The following NDFIP1 variants were observed in gnomAD, a reference collection of about 807,000 sequenced individuals.
NDFIP1 encodes the protein Nedd4 family interacting protein 1.
In NDFIP1, 7 loss-of-function variants were observed where a neutral mutation model predicts 28.8. The ratio of observed to expected loss-of-function variants is 0.24; its 90% CI spans 0.14 to 0.46. NDFIP1 has a LOEUF of 0.46. Ranked by LOEUF, NDFIP1 falls within the 20% of genes least tolerant of loss-of-function variation. The pLI is 0.99. For missense variants in NDFIP1, 194 were observed against 269.1 expected, an observed-to-expected ratio of 0.72 and a Z score of 1.95; for synonymous variants, 92 against 101.0, an observed-to-expected ratio of 0.91 and a Z score of 0.53.
At chr5:142,109,161 G>A in intron 1 of NDFIP1, 124 bp downstream of exon 1, 1 of 867,278 alleles carries the variant, frequency 1.2e-6, no homozygotes. Context: ...GGCCGCGCTG[G>A]GCCTGGAGGG....
At chr5:142,142,670 G>A (rs1392390466) in intron 6 of NDFIP1, among the ~76,000 whole-genome samples, 1 of 151,992 alleles carries the variant, frequency 6.6e-6, no homozygotes, top group Non-Finnish European at 1.5e-5. Context: ...GCTCATGCCT[G>A]TAATCCCAGC....
intron 5 of NDFIP1, among the ~76,000 whole-genome samples, chr5:142,140,121 A>T (rs1407217200): frequency 6.6e-6 from 1 of 152,170 alleles, no homozygotes; most frequent in Non-Finnish European, 1.5e-5. Flanking sequence ...ATATTTTAAA[A>T]TTATTCTAAA....
At chr5:142,116,660 C>T (rs1757072185) in intron 1 of NDFIP1, among the ~76,000 whole-genome samples, 1 of 151,926 alleles carries the variant, frequency 6.6e-6, no homozygotes, top group African/African-American at 2.4e-5. Context: ...CATGCCCAGG[C>T]TACCTTCATA....
chr5:142,147,336 CCCTT>C (rs1757399121), intron 7 of NDFIP1, among the ~76,000 whole-genome samples: 1 of 152,122 alleles, frequency 6.6e-6, no homozygotes, highest in Admixed American at 6.6e-5. Flanking sequence ...GATGTAGAAT[CCCTT>C]CTTTCTCTAG....
chr5:142,140,146 A>C (rs1757312986), intron 5 of NDFIP1, among the ~76,000 whole-genome samples: 1 of 152,166 alleles, frequency 6.6e-6, no homozygotes, highest in African/African-American at 2.4e-5. Flanking sequence ...AAGTGATGGC[A>C]TTGGTAGAAC....
At chr5:142,140,354 A>G (rs988534821) in intron 5 of NDFIP1, among the ~76,000 whole-genome samples, 3 of 151,826 alleles carry the variant, frequency 2.0e-5, no homozygotes, top group African/African-American at 4.8e-5. Context: ...AGGCTGAGGC[A>G]GGAGAATCGC....
At chr5:142,139,600 T>G (rs1757308134) in intron 5 of NDFIP1, among the ~76,000 whole-genome samples, 1 of 152,218 alleles carries the variant, frequency 6.6e-6, no homozygotes, top group South Asian at 2.1e-4. Context: ...AAGGAAAGCT[T>G]CTCAGAAGCC....
intron 4 of NDFIP1, among the ~76,000 whole-genome samples, chr5:142,136,733 G>A (rs1257085097): frequency 8.5e-6 from 1 of 117,964 alleles, no homozygotes; most frequent in South Asian, 2.7e-4. Flanking sequence ...CTAGCCTGGG[G>A]GACAAGAGTG....
At chr5:142,149,434 C>CTTTT (rs10684292) in intron 7 of NDFIP1, among the ~76,000 whole-genome samples, 23 of 114,670 alleles carry the variant, frequency 2.0e-4, no homozygotes, top group East Asian at 2.7e-4. Context: ...TATTGGATTC[C>CTTTT]TTTTTTTTTT....
intron 3 of NDFIP1, among the ~76,000 whole-genome samples, chr5:142,132,951 C>A (rs577789319): frequency 2.0e-5 from 3 of 152,322 alleles, no homozygotes; most frequent in African/African-American, 7.2e-5. Context: ...AAATATTCAT[C>A]CAGATTGAGG....
At chr5:142,115,750 T>C (rs532591058) in intron 1 of NDFIP1, among the ~76,000 whole-genome samples, 4 of 152,302 alleles carry the variant, frequency 2.6e-5, no homozygotes, top group African/African-American at 7.2e-5. Context: ...TTGACATACT[T>C]TCCAGTGGTA....
chr5:142,148,736 G>T lies in NDFIP1; in HGVS notation c.*3-2995G>T, dbSNP rs992749366. 2.5e-5 allele frequency among the ~76,000 whole-genome samples: 3 copies of T among 120,010 alleles called. No individual in the cohort carries two copies. The East Asian group carries it at 8.1e-4, about 32-fold the overall frequency. 78.7% of individuals were successfully genotyped at this position (120,010 alleles called of 152,430 possible). ...ACTGCACTCCAGCCTGGGCGACAGA[G>T]CGAGACTCTGTCTCAAAAAAAAAAA... On this transcript the variant is annotated intron_variant, in intron 7 of 7. Transcript: ENST00000253814.
At chr5:142,119,664 T>G (rs1469132888) in intron 1 of NDFIP1, among the ~76,000 whole-genome samples, 1 of 152,186 alleles carries the variant, frequency 6.6e-6, no homozygotes, top group East Asian at 1.9e-4. Flanking sequence ...TGATTTTTCT[T>G]TATTTTCCAA....
At chr5:142,137,101 T>G (rs902051119) in intron 4 of NDFIP1, among the ~76,000 whole-genome samples, 1 of 151,036 alleles carries the variant, frequency 6.6e-6, no homozygotes, top group African/African-American at 2.4e-5. Flanking sequence ...AAGCAGAGGT[T>G]GTAAGTATAC....
chr5:142,130,344 A>G (rs1302448643), intron 1 of NDFIP1, among the ~76,000 whole-genome samples: 1 of 152,186 alleles, frequency 6.6e-6, no homozygotes, highest in Non-Finnish European at 1.5e-5. Flanking sequence ...ACTGGCAGAA[A>G]AGTTGCTGAG....
chr5:142,109,166 G>A (rs1298400098), intron 1 of NDFIP1, 129 bp downstream of exon 1: 1 of 841,334 alleles, frequency 1.2e-6, no homozygotes, highest in East Asian at 3.6e-5. Context: ...CGCTGGGCCT[G>A]GAGGGGCGGG....
chr5:142,135,939 T>G (rs1282532509), intron 4 of NDFIP1, 122 bp downstream of exon 4: 3 of 608,280 alleles, frequency 4.9e-6, no homozygotes, highest in Non-Finnish European at 8.4e-6. Flanking sequence ...GTTTATTTGG[T>G]GCCTTTTACT....
At position 142,148,673 on chromosome 5, in the gene NDFIP1, C is replaced by T. The variant is rs369717590; in HGVS notation, c.*3-3058C>T. On this transcript the variant is annotated intron_variant, in intron 7 of 7. Coordinates refer to ENST00000253814, the MANE Select transcript of NDFIP1 (RefSeq NM_030571.4). ...GGCTGAGGCAGAAGAATCGCTTGAA[C>T]CCAGGAGGTGGAGGTTGCAGTGAGC... 3.6e-4 allele frequency among the ~76,000 whole-genome samples: 53 copies of T among 147,984 alleles called. No individual in the cohort carries two copies. The South Asian group carries it at 0.011, about 29-fold the overall frequency.
chr5:142,128,054 G>GT (rs1757188010), intron 1 of NDFIP1, among the ~76,000 whole-genome samples: 1 of 152,118 alleles, frequency 6.6e-6, no homozygotes, highest in Non-Finnish European at 1.5e-5. Context: ...ATCTATCACA[G>GT]TCACTCAAAG....
Sources: allele counts gnomAD v4.1 joint callset (sites outside exome capture counted in the v4.1 genomes callset), GRCh38; gene constraint gnomAD v4.1.1; transcripts MANE v1.5; gene names NCBI Gene and HGNC (gene_info 2026-07-23, HGNC 2026-07-21).